SIMC1: variants seen among roughly 807,000 people sequenced by gnomAD.
SIMC1 encodes SUMO interacting motifs containing 1.
In SIMC1, 55 loss-of-function variants were observed where a neutral mutation model predicts 82.3. The observed-to-expected ratio is 0.67, with a 90% CI of 0.54 to 0.84. SIMC1 has a LOEUF of 0.84. Among genes scored for constraint, SIMC1 ranks in the 40% least tolerant of loss-of-function variants. The pLI is 0.00. For missense variants in SIMC1, 915 were observed against 1,107.2 expected, an observed-to-expected ratio of 0.83 and a Z score of 2.46; for synonymous variants, 353 against 426.3, an observed-to-expected ratio of 0.83 and a Z score of 2.12.
intron 2 of SIMC1, among the ~76,000 whole-genome samples, chr5:176,291,838 C>T (rs1405878143): frequency 2.0e-5 from 3 of 152,158 alleles, no homozygotes; most frequent in South Asian, 2.1e-4. Flanking sequence ...AATAACATAC[C>T]TCACAGGGTC....
At chr5:176,323,637 A>C (rs1040912432) in intron 6 of SIMC1, among the ~76,000 whole-genome samples, 2 of 152,196 alleles carry the variant, frequency 1.3e-5, no homozygotes, top group Admixed American at 6.5e-5. Flanking sequence ...GGTCTGGCCC[A>C]CCTGTTGTGT....
chr5:176,343,829 T>C (rs1766270189), intron 9 of SIMC1, among the ~76,000 whole-genome samples: 1 of 152,212 alleles, frequency 6.6e-6, no homozygotes, highest in African/African-American at 2.4e-5. Context: ...AGTCTAGCTC[T>C]GTCGTCCAGG....
rs550530291 is a variant in SIMC1, at chr5:176,252,924, G to A, written c.129+14287G>A. 2.1e-3 allele frequency among the ~76,000 whole-genome samples: 316 copies of A among 152,356 alleles called. 5 individuals carry two copies. Among genetic ancestry groups the A allele is most frequent in the Non-Finnish European group, 3.4e-3 (233 of 68,026 alleles). ...AGGCTGAGGCTGGCAGATCACTCGC[G>A]GTTAGGAGCTGGAGACCAGCCTGGC... On this transcript the variant is annotated intron_variant, in intron 1 of 9. Coordinates refer to ENST00000429602, the MANE Select transcript of SIMC1 (RefSeq NM_001308195.2).
At chr5:176,308,543 TAAG>T (rs1764526649) in intron 4 of SIMC1, 2 of 1,602,438 alleles carry the variant, frequency 1.2e-6, no homozygotes, top group Admixed American at 1.7e-5. Flanking sequence ...TCATAGAAGA[TAAG>T]AACACAAGGG....
In SIMC1 at chr5:176,290,261, C is replaced by A. The variant is rs1427383887; in HGVS notation, c.737C>A (p.Ala246Asp). ...PPRASSCPPR[A>D]LSCPSQTMQC... Reference sequence around the variant, plus strand: ...CGAGCCTCCTCATGCCCACCACGAGCCTTGTCATGCCCATCACAAACCATG... The same window carrying A: ...CGAGCCTCCTCATGCCCACCACGAGACTTGTCATGCCCATCACAAACCATG... Residue 246 changes from alanine to aspartate, a missense_variant, in exon 2 of 10, where the codon GCC becomes GAC. Around this residue, in one of 2 missense-constraint regions of SIMC1, gnomAD observed 902 missense variants for 1,040.3 expected, o/e 0.87. Coordinates refer to ENST00000429602, the MANE Select transcript of SIMC1 (RefSeq NM_001308195.2). 2 of 1,613,830 alleles carry A rather than the reference C, an allele frequency of 1.2e-6. No individual in the cohort carries two copies. The highest frequency in any genetic ancestry group is 1.7e-6 in the Non-Finnish European group (2 of 1,179,868).
In SIMC1 at chr5:176,290,327, T is replaced by C; in HGVS notation, c.803T>C (p.Val268Ala). The C allele has an allele frequency of 6.2e-7, 1 of 1,613,752 alleles. No homozygotes were observed. Among genetic ancestry groups the C allele is most frequent in the Admixed American group, 1.7e-5 (1 of 59,964 alleles). Residue 268 changes from valine to alanine, a missense_variant, in exon 2 of 10, where the codon GTG becomes GCG. Val to Ala is a moderately conservative substitution (Grantham distance 64). Coordinates refer to ENST00000429602, the MANE Select transcript of SIMC1 (RefSeq NM_001308195.2). ...LPALTHPPQEVPCPRQNIPGP... is the reference protein window; with the variant it reads ...LPALTHPPQEAPCPRQNIPGP... ...GCTCTAACTCACCCACCTCAAGAAG[T>C]GCCATGCCCTCGGCAGAATATCCCA... is the stretch of plus-strand genomic sequence containing the variant.
At chr5:176,339,199 T>C (rs1766027338) in intron 9 of SIMC1, among the ~76,000 whole-genome samples, 1 of 152,046 alleles carries the variant, frequency 6.6e-6, no homozygotes, top group African/African-American at 2.4e-5. Flanking sequence ...CCGTCTCTAC[T>C]AAAAATACAA....
rs144304009 is a variant in SIMC1, at chr5:176,340,470, G to A, written c.2413+3324G>A. 3.3e-5 allele frequency among the ~76,000 whole-genome samples: 5 copies of A among 152,246 alleles called. No homozygotes were observed. The East Asian group carries it at 9.7e-4, about 29-fold the overall frequency. On this transcript the variant is annotated intron_variant, in intron 9 of 9. Transcript: ENST00000429602. ...GCTTTTCCTGAATCCTGCTTATCTG[G>A]CCAGCATAGCTTGCAGAAGTCAGTC...
chr5:176,323,987 C>CAAA (rs754656711), intron 6 of SIMC1, among the ~76,000 whole-genome samples: 1 of 96,942 alleles, frequency 1.0e-5, no homozygotes, highest in African/African-American at 3.8e-5. Context: ...GACTCCATCT[C>CAAA]AAAAAAAAAA....
Position 176,290,527 on chromosome 5 carries a change from A to C in SIMC1, c.1003A>C (p.Met335Leu). Reference sequence around the variant, plus strand: ...AGATGCACCACAGTCACCAGGGGGCATGCCACACTTACCGGGAGATGTGTT... The same window carrying C: ...AGATGCACCACAGTCACCAGGGGGCCTGCCACACTTACCGGGAGATGTGTT... ...SPDAPQSPGG[M>L]PHLPGDVLHS... Residue 335 changes from methionine (M) to leucine (L), a missense_variant, in exon 2 of 10, where the codon ATG (methionine) becomes CTG (leucine). This residue lies in a region of SIMC1 where 902 missense variants were observed against 1,040.3 expected (regional missense o/e 0.87). Coordinates refer to ENST00000429602, the MANE Select transcript of SIMC1 (RefSeq NM_001308195.2). 3 of 1,613,996 alleles carry C rather than the reference A, an allele frequency of 1.9e-6. No individual in the cohort carries two copies. Among genetic ancestry groups the C allele is most frequent in the African/African-American group, 1.3e-5 (1 of 75,044 alleles).
intron 1 of SIMC1, among the ~76,000 whole-genome samples, chr5:176,253,763 C>T (rs1488642225): frequency 6.6e-6 from 1 of 152,114 alleles, no homozygotes; most frequent in Non-Finnish European, 1.5e-5. Flanking sequence ...CAGCATTATT[C>T]TGTTAGGCAT....
intron 1 of SIMC1, among the ~76,000 whole-genome samples, chr5:176,246,377 A>G (rs1489504894): frequency 1.3e-5 from 2 of 150,826 alleles, no homozygotes; most frequent in Non-Finnish European, 3.0e-5. Flanking sequence ...TCCCAAAAAC[A>G]TTGCCAATCA....
intron 1 of SIMC1, among the ~76,000 whole-genome samples, chr5:176,285,238 A>G (rs1328869125): frequency 6.6e-6 from 1 of 152,230 alleles, no homozygotes; most frequent in Non-Finnish European, 1.5e-5. Flanking sequence ...AAAATCCTCA[A>G]TAAAATACTG....
chr5:176,311,261 G>T (rs1343226652), intron 4 of SIMC1, among the ~76,000 whole-genome samples: 2 of 152,146 alleles, frequency 1.3e-5, no homozygotes, highest in East Asian at 3.9e-4. Flanking sequence ...TTTGAGACAG[G>T]GTCTCTTGCT....
intron 1 of SIMC1, among the ~76,000 whole-genome samples, chr5:176,281,085 G>T (rs1762984204): frequency 6.6e-6 from 1 of 152,152 alleles, no homozygotes. Context: ...ACGTAGATTT[G>T]TTCTTTTCAC....
intron 1 of SIMC1, among the ~76,000 whole-genome samples, chr5:176,266,025 C>G (rs1322636315): frequency 6.6e-6 from 1 of 152,056 alleles, no homozygotes; most frequent in Admixed American, 6.6e-5. Context: ...GAGCAACTGA[C>G]TCTCTCCAAA....
At chr5:176,261,423 T>C (rs1762010980) in intron 1 of SIMC1, among the ~76,000 whole-genome samples, 1 of 152,208 alleles carries the variant, frequency 6.6e-6, no homozygotes, top group African/African-American at 2.4e-5. Flanking sequence ...AACAAATGCT[T>C]TTTAAAATTT....
At chr5:176,282,564 G>A (rs552900643) in intron 1 of SIMC1, among the ~76,000 whole-genome samples, 47 of 151,554 alleles carry the variant, frequency 3.1e-4, no homozygotes, top group South Asian at 2.1e-3. Flanking sequence ...GTTCCTATTC[G>A]GCCATCTTGG....
At chr5:176,248,431 T>C (rs1761524560) in intron 1 of SIMC1, among the ~76,000 whole-genome samples, 2 of 152,156 alleles carry the variant, frequency 1.3e-5, no homozygotes, top group South Asian at 4.1e-4. Flanking sequence ...TGTATAGGAA[T>C]GCTTGTGACT....
Sources: allele counts gnomAD v4.1 joint callset (sites outside exome capture counted in the v4.1 genomes callset), GRCh38; gene constraint gnomAD v4.1.1; regional missense constraint gnomAD v4.1.1; transcripts MANE v1.5; gene names NCBI Gene and HGNC (gene_info 2026-07-23, HGNC 2026-07-21).